Variants in CACNA1D observed in about 807,000 individuals in gnomAD.
The protein encoded by CACNA1D is voltage-dependent L-type calcium channel subunit alpha-1D.
In CACNA1D, 55 loss-of-function variants were observed where a neutral mutation model predicts 257.1. That is an observed-to-expected ratio of 0.21 (90% CI 0.17 to 0.27). The LOEUF (loss-of-function observed/expected upper bound fraction) is 0.27. Ranked by LOEUF, CACNA1D falls within the 10% of genes least tolerant of loss-of-function variation. CACNA1D has a pLI of 1.00. For synonymous variants in CACNA1D, 980 were observed against 1,014.9 expected (o/e 0.97, Z 0.65); for missense variants, 1,876 against 2,784.0 (o/e 0.67, Z 7.34).
chr3:53,680,180 G>T (rs908515726), intron 8 of CACNA1D, among the ~76,000 whole-genome samples: 1 of 152,058 alleles, frequency 6.6e-6, no homozygotes, highest in East Asian at 1.9e-4. Context: ...AATGGCTGTC[G>T]GGATCAGTGG....
intron 7 of CACNA1D, among the ~76,000 whole-genome samples, chr3:53,670,301 G>C (rs939982019): frequency 1.3e-5 from 2 of 152,160 alleles, no homozygotes; most frequent in Non-Finnish European, 2.9e-5. Context: ...CCTTGCATTG[G>C]TCTATAACTT....
chr3:53,802,576 G>A (rs886376216), intron 43 of CACNA1D, among the ~76,000 whole-genome samples: 8 of 152,234 alleles, frequency 5.3e-5, no homozygotes, highest in African/African-American at 1.9e-4. Context: ...TCAGGAATGG[G>A]ATCTTGTCAT....
intron 16 of CACNA1D, 108 bp downstream of exon 16, chr3:53,730,664 G>A: frequency 2.4e-6 from 2 of 848,410 alleles, no homozygotes; most frequent in Non-Finnish European, 4.0e-6. Flanking sequence ...GCAGCCCCCG[G>A]GTTGCTGCTT....
At chr3:53,807,398 C>T (rs549303751) in intron 45 of CACNA1D, 24 of 152,420 alleles carry the variant, frequency 1.6e-4, no homozygotes, top group African/African-American at 5.1e-4. Context: ...CTGGCTGTCT[C>T]GTTCCTCTCT....
intron 3 of CACNA1D, among the ~76,000 whole-genome samples, chr3:53,539,213 A>G (rs1023090221): frequency 7.9e-5 from 12 of 151,702 alleles, no homozygotes; most frequent in African/African-American, 2.2e-4. Context: ...GGGTTCAAGC[A>G]CTTCTTCTGC....
intron 2 of CACNA1D, among the ~76,000 whole-genome samples, chr3:53,497,863 A>G (rs2090418643): frequency 6.6e-6 from 1 of 152,232 alleles, no homozygotes; most frequent in Non-Finnish European, 1.5e-5. Context: ...AAAAGACTGT[A>G]TAAGACTCTG....
Position 53,647,556 on chromosome 3 carries a change from GT to G in CACNA1D, c.484-3222del, listed in dbSNP as rs2094035462. ...CCTAGCTGTTTTGGCTGGGCCCACA[GT>G]CCCACCTTGCCTGTTAGGAACCTGA... On this transcript the variant is annotated intron_variant, in intron 3 of 47. Transcript: ENST00000350061. 2.0e-5 allele frequency among the ~76,000 whole-genome samples: 3 copies of G among 152,312 alleles called. No homozygotes were observed. The South Asian group carries it at 6.2e-4, about 32-fold the overall frequency.
chr3:53,791,198 C>A, intron 40 of CACNA1D: 1 of 578,050 alleles, frequency 1.7e-6, no homozygotes, highest in South Asian at 2.2e-5. Flanking sequence ...GAAGCGGGGC[C>A]GTGGCTCATC....
intron 3 of CACNA1D, among the ~76,000 whole-genome samples, chr3:53,604,449 TGAG>T (rs2093482082): frequency 6.6e-6 from 1 of 152,150 alleles, no homozygotes; most frequent in Admixed American, 6.5e-5. Flanking sequence ...GGCACATTGT[TGAG>T]GAGGAGAAGG....
intron 9 of CACNA1D, among the ~76,000 whole-genome samples, chr3:53,713,111 A>C (rs558475723): frequency 5.6e-4 from 86 of 152,276 alleles, no homozygotes; most frequent in South Asian, 1.7e-3. Context: ...GGTGGTGGGC[A>C]GGGGCTCACT....
intron 8 of CACNA1D, among the ~76,000 whole-genome samples, chr3:53,700,706 G>C (rs1453917669): frequency 6.6e-6 from 1 of 152,096 alleles, no homozygotes; most frequent in Non-Finnish European, 1.5e-5. Context: ...TCACTCTCTA[G>C]ATCCACAAAG....
intron 27 of CACNA1D, among the ~76,000 whole-genome samples, chr3:53,749,687 CG>C (rs2095208078): frequency 2.0e-5 from 3 of 152,204 alleles, no homozygotes; most frequent in Non-Finnish European, 4.4e-5. Context: ...TGAAATCCAT[CG>C]CCAGACCTGG....
chr3:53,702,024 G>A (rs2108586501), intron 8 of CACNA1D, among the ~76,000 whole-genome samples: 1 of 152,266 alleles, frequency 6.6e-6, no homozygotes, highest in East Asian at 1.9e-4. Context: ...TGGGAAGGGA[G>A]AACTGGGTTG....
intron 14 of CACNA1D, 82 bp downstream of exon 14, chr3:53,724,081 G>A: frequency 8.8e-7 from 1 of 1,141,984 alleles, no homozygotes; most frequent in Non-Finnish European, 1.3e-6. Context: ...CTCACACTCA[G>A]GAAGACAAAA....
chr3:53,518,305 G>A (rs926851685), intron 3 of CACNA1D, among the ~76,000 whole-genome samples: 1 of 152,198 alleles, frequency 6.6e-6, no homozygotes, highest in Non-Finnish European at 1.5e-5. Context: ...TGTGAGCAGG[G>A]ACCCAGTGTC....
intron 8 of CACNA1D, among the ~76,000 whole-genome samples, chr3:53,693,084 T>C (rs1297390169): frequency 2.0e-5 from 3 of 152,158 alleles, no homozygotes; most frequent in Non-Finnish European, 2.9e-5. Flanking sequence ...TCAAATGTTT[T>C]TCTTCAACAT....
At chr3:53,650,973 TG>T (rs140398062) in intron 4 of CACNA1D, 55 bp downstream of exon 4, 1,550 of 1,110,430 alleles carry the variant, frequency 1.4e-3, no homozygotes, top group East Asian at 1.8e-3. Flanking sequence ...AGGTGGAGGT[TG>T]GGGGGGGTGG....
At chr3:53,722,211 T>C (rs1177606486) in intron 11 of CACNA1D, 103 bp from the exon 12 acceptor site, 1 of 1,226,908 alleles carries the variant, frequency 8.2e-7, no homozygotes, top group African/African-American at 1.5e-5. Context: ...CCCACCCCAA[T>C]CTAGACCTCC....
intron 8 of CACNA1D, among the ~76,000 whole-genome samples, chr3:53,689,013 C>G (rs73842069): frequency 3.3e-5 from 5 of 151,528 alleles, no homozygotes; most frequent in African/African-American, 9.7e-5. Flanking sequence ...AGTGTAGATT[C>G]CAGCAGCTGC....
Sources: gnomAD v4.1 joint callset for allele counts (sites outside exome capture counted in the v4.1 genomes callset) on GRCh38, gnomAD v4.1.1 for gene constraint, MANE v1.5 for transcripts, NCBI Gene and HGNC (gene_info 2026-07-23, HGNC 2026-07-21) for gene names.